The following TMEM41B variants were observed in gnomAD, a reference collection of about 807,000 sequenced individuals.
TMEM41B encodes the protein transmembrane protein 41B, also known as protein stasimon.
In TMEM41B, 18 loss-of-function variants were observed where a neutral mutation model predicts 31.9. The observed-to-expected ratio is 0.56, with a 90% CI of 0.39 to 0.84. The LOEUF (loss-of-function observed/expected upper bound fraction) is 0.84. Among genes scored for constraint, TMEM41B ranks in the 40% least tolerant of loss-of-function variants. TMEM41B has a pLI of 0.00. For missense variants in TMEM41B, 322 were observed against 348.0 expected, an observed-to-expected ratio of 0.93 and a Z score of 0.59; for synonymous variants, 144 against 124.3, an observed-to-expected ratio of 1.16 and a Z score of -1.05.
At position 9,283,454 on chromosome 11, in the gene TMEM41B, G is replaced by T; in HGVS notation, c.846C>A (p.Phe282Leu). ...LAVLSILPAI[F>L]QKKLKQKFE Reference sequence around the variant, plus strand: ...CAAATTTCTGCTTTAGTTTTTTTTGGAAGATGGCTGGCAGAATAGAAAGAA... The same window carrying T: ...CAAATTTCTGCTTTAGTTTTTTTTGTAAGATGGCTGGCAGAATAGAAAGAA... Residue 282 changes from phenylalanine to leucine, a missense_variant, in exon 7 of 7, where the codon TTC becomes TTA. Coordinates refer to ENST00000528080, the MANE Select transcript of TMEM41B (RefSeq NM_015012.4). 6.3e-7 allele frequency: 1 copy of T among 1,597,772 alleles called. No individual in the cohort carries two copies. Among genetic ancestry groups the T allele is most frequent in the Non-Finnish European group, 8.5e-7 (1 of 1,175,620 alleles).
At chr11:9,299,276 C>G (rs1333119948) in intron 2 of TMEM41B, among the ~76,000 whole-genome samples, 1 of 68,432 alleles carries the variant, frequency 1.5e-5, no homozygotes, top group Non-Finnish European at 2.5e-5. Context: ...GGGCAAGACT[C>G]TGTCTCAAAA....
intron 2 of TMEM41B, among the ~76,000 whole-genome samples, chr11:9,298,489 G>A (rs1162330018): frequency 6.6e-6 from 1 of 151,404 alleles, no homozygotes; most frequent in Non-Finnish European, 1.5e-5. Flanking sequence ...TGTGGGCTGG[G>A]CACAGTGGCT....
intron 4 of TMEM41B, chr11:9,288,032 A>T (rs79674888): frequency 0.069 from 34,866 of 505,784 alleles, 1,553 homozygotes; most frequent in South Asian, 0.098. Context: ...CCTAGTGACT[A>T]TATCCAAATA....
intron 6 of TMEM41B, among the ~76,000 whole-genome samples, chr11:9,283,925 C>T (rs1045664010): frequency 2.0e-5 from 3 of 151,990 alleles, no homozygotes; most frequent in African/African-American, 7.2e-5. Flanking sequence ...GCTGGGATTA[C>T]AGGCATGTGC....
In TMEM41B at chr11:9,295,397, TA is replaced by T; in HGVS notation, c.240-11del. ...ATTCACTCTTTCTTCTCTGAAGAAA[TA>T]AAGTGAAAAATTTTAGAACAGAATT... On this transcript the variant is annotated splice_polypyrimidine_tract_variant and intron_variant, in intron 2 of 6. Transcript: ENST00000528080. 2 of 1,516,458 alleles carry T rather than the reference TA, an allele frequency of 1.3e-6. No individual in the cohort carries two copies. The highest frequency in any genetic ancestry group is 1.8e-6 in the Non-Finnish European group (2 of 1,119,280). 93.9% of individuals were successfully genotyped at this position (1,516,458 alleles called of 1,614,324 possible).
intron 2 of TMEM41B, among the ~76,000 whole-genome samples, chr11:9,298,479 T>C (rs902695049): frequency 2.4e-4 from 36 of 147,588 alleles, no homozygotes; most frequent in African/African-American, 6.8e-4. Flanking sequence ...AAAAAAAAAT[T>C]GTGGGCTGGG....
Position 9,281,748 on chromosome 11 carries a change from A to C in TMEM41B, c.*1676T>G, listed in dbSNP as rs556614895. On this transcript the variant is annotated 3_prime_UTR_variant, in exon 7 of 7. Transcript: ENST00000528080. ...CAGTTAATTTTACTTTGTGAGTTAG[A>C]TAAAGTAAAGACTAAATTGGGAAAC... is the stretch of plus-strand genomic sequence containing the variant. The C allele has an allele frequency of 3.3e-5, 5 of 152,224 alleles. No homozygotes were observed. The highest frequency in any genetic ancestry group is 3.3e-4 in the Admixed American group (5 of 15,278). 9.4% of individuals were successfully genotyped at this position (152,224 alleles called of 1,614,324 possible).
At chr11:9,289,489 T>G (rs1452308760) in intron 3 of TMEM41B, among the ~76,000 whole-genome samples, 10 of 152,122 alleles carry the variant, frequency 6.6e-5, no homozygotes. Context: ...ATGTTCTCAT[T>G]TCAATCTCCT....
intron 1 of TMEM41B, among the ~76,000 whole-genome samples, chr11:9,303,680 G>C (rs1197596830): frequency 8.6e-6 from 1 of 116,526 alleles, no homozygotes; most frequent in Non-Finnish European, 1.7e-5. Context: ...TTGAGACAGA[G>C]TCTTGCTCTG....
chr11:9,295,164 T>C, intron 3 of TMEM41B, 95 bp downstream of exon 3: 1 of 1,239,756 alleles, frequency 8.1e-7, no homozygotes, highest in Non-Finnish European at 1.1e-6. Flanking sequence ...AATAACAAAT[T>C]TTAAAAGGAA....
At chr11:9,299,282 C>CAAAAAAAAAAAAAAAAAA (rs1180036082) in intron 2 of TMEM41B, among the ~76,000 whole-genome samples, 1 of 41,712 alleles carries the variant, frequency 2.4e-5, no homozygotes, top group African/African-American at 1.0e-4. Context: ...GACTCTGTCT[C>CAAAAAAAAAAAAAAAAAA]AAAAAAAAAA....
In TMEM41B at chr11:9,314,463, G is replaced by A. The variant is rs1404462434; in HGVS notation, c.-22C>T. ...CCATGGCTGCTGCAAGGTGAAGGGAGCGGTGCGGTGCCGCGCCCCCTAAAC... is the reference window on the plus strand; with the variant it reads ...CCATGGCTGCTGCAAGGTGAAGGGAACGGTGCGGTGCCGCGCCCCCTAAAC... On this transcript the variant is annotated 5_prime_UTR_variant, in exon 1 of 7. Coordinates refer to ENST00000528080, the MANE Select transcript of TMEM41B (RefSeq NM_015012.4). 12 of 1,543,222 alleles carry A rather than the reference G, an allele frequency of 7.8e-6. No individual in the cohort carries two copies. Among genetic ancestry groups the A allele is most frequent in the Non-Finnish European group, 1.1e-5 (12 of 1,142,434 alleles).
chr11:9,303,887 C>G (rs888367661), intron 1 of TMEM41B, among the ~76,000 whole-genome samples: 1 of 151,836 alleles, frequency 6.6e-6, no homozygotes, highest in Non-Finnish European at 1.5e-5. Flanking sequence ...AGGCTGGTCT[C>G]GAACTCCTGA....
chr11:9,301,502 T>A (rs1411477654), intron 1 of TMEM41B, among the ~76,000 whole-genome samples: 1 of 152,218 alleles, frequency 6.6e-6, no homozygotes, highest in Non-Finnish European at 1.5e-5. Context: ...ATACTCTCTT[T>A]AGCAAATCCT....
At position 9,287,693 on chromosome 11, in the gene TMEM41B, C is replaced by T. The variant is rs951783036; in HGVS notation, c.567+9G>A. ...AGTTACATCAAATAATTTAAAAATA[C>T]ATGTTTACCTGCTGTGACCATTTTA... is the stretch of plus-strand genomic sequence containing the variant. On this transcript the variant is annotated intron_variant, in intron 5 of 6. Coordinates refer to ENST00000528080, the MANE Select transcript of TMEM41B (RefSeq NM_015012.4). 22 of 1,579,976 alleles carry T rather than the reference C, an allele frequency of 1.4e-5. No homozygotes were observed. The highest frequency in any genetic ancestry group is 1.0e-4 in the South Asian group (9 of 87,594).
intron 1 of TMEM41B, among the ~76,000 whole-genome samples, chr11:9,306,578 C>A (rs1213621272): frequency 6.6e-6 from 1 of 151,940 alleles, no homozygotes; most frequent in East Asian, 1.9e-4. Flanking sequence ...CCCAGCTACT[C>A]AGGATGCTGA....
Position 9,281,804 on chromosome 11 carries a change from A to T in TMEM41B, c.*1620T>A, listed in dbSNP as rs966556525. Reference sequence around the variant, plus strand: ...TAAGTAATCAAAAGTAGCTCCAAACAACAAAGCCATCAATAGAAACAAAAG... The same window carrying T: ...TAAGTAATCAAAAGTAGCTCCAAACTACAAAGCCATCAATAGAAACAAAAG... On this transcript the variant is annotated 3_prime_UTR_variant, in exon 7 of 7. Coordinates refer to ENST00000528080, the MANE Select transcript of TMEM41B (RefSeq NM_015012.4). 2.0e-5 allele frequency: 3 copies of T among 152,244 alleles called. No individual in the cohort carries two copies. Among genetic ancestry groups the T allele is most frequent in the African/African-American group, 7.2e-5 (3 of 41,472 alleles). 9.4% of individuals were successfully genotyped at this position (152,244 alleles called of 1,614,324 possible).
At position 9,281,927 on chromosome 11, in the gene TMEM41B, T is replaced by C. The variant is rs1366749174; in HGVS notation, c.*1497A>G. The C allele has an allele frequency of 6.6e-6, 1 of 152,204 alleles. No homozygotes were observed. The highest frequency in any genetic ancestry group is 1.5e-5 in the Non-Finnish European group (1 of 68,036). The allele number at this position is 152,204 out of a possible 1,614,324, so 9.4% of individuals were successfully genotyped here. On this transcript the variant is annotated 3_prime_UTR_variant, in exon 7 of 7. Coordinates refer to ENST00000528080, the MANE Select transcript of TMEM41B (RefSeq NM_015012.4). ...GATTAATAAATGAGGTAAAATTTAG[T>C]CATTGGAACAAATAAACTATATTTA...
chr11:9,307,329 C>T (rs562984853), intron 1 of TMEM41B, among the ~76,000 whole-genome samples: 2 of 152,178 alleles, frequency 1.3e-5, no homozygotes, highest in South Asian at 4.1e-4. Flanking sequence ...CAAGAATCCA[C>T]TGTAATATTG....
Sources: allele counts gnomAD v4.1 joint callset (sites outside exome capture counted in the v4.1 genomes callset), GRCh38; gene constraint gnomAD v4.1.1; transcripts MANE v1.5; gene names NCBI Gene and HGNC (gene_info 2026-07-23, HGNC 2026-07-21).